The following OTOR variants were observed in gnomAD, a reference collection of about 807,000 sequenced individuals.
OTOR encodes the protein fibrocyte-derived protein.
In OTOR, 20 loss-of-function variants were observed where a neutral mutation model predicts 15.9. The observed-to-expected ratio is 1.26, with a 90% CI of 0.89 to 1.83. The LOEUF is 1.83. Among genes scored for constraint, OTOR ranks in the 40% most tolerant of loss-of-function variants. The probability of loss-of-function intolerance (pLI) is 0.00; values close to 1 mark genes in which losing one functional copy is unlikely to be tolerated. For missense variants in OTOR, 184 were observed against 159.0 expected (o/e 1.16, Z -0.85); for synonymous variants, 53 against 54.2 (o/e 0.98, Z 0.09).
At chr20:16,748,760 G>T (rs1429802331) in intron 1 of OTOR, 107 bp from the exon 2 acceptor site, 3 of 863,488 alleles carry the variant, frequency 3.5e-6, no homozygotes, top group Non-Finnish European at 5.1e-6. Context: ...TATGAACTGG[G>T]AATTATCAGT....
chr20:16,749,855 A>G, intron 2 of OTOR, 48 bp from the exon 3 acceptor site: 2 of 1,257,084 alleles, frequency 1.6e-6, no homozygotes, highest in Non-Finnish European at 2.3e-6. Context: ...TTCTCAGAAG[A>G]CACTCAGCAT....
At position 16,749,940 on chromosome 20, in the gene OTOR, G is replaced by A; in HGVS notation, c.293G>A (p.Gly98Asp). 6.2e-7 allele frequency: 1 copy of A among 1,613,876 alleles called. No individual in the cohort carries two copies. Among genetic ancestry groups the A allele is most frequent in the African/African-American group, 1.3e-5 (1 of 75,036 alleles). Residue 98 changes from glycine (G) to aspartate (D), a missense_variant, in exon 3 of 4, where the codon GGT (glycine) becomes GAT (aspartate). Gly to Asp is a moderately conservative substitution (Grantham distance 94, BLOSUM62 -1). Transcript: ENST00000246081. ...GGCCAGGACGAGATGGGAGTCGTGG[G>A]TTATTTCCCCAGGAACTTGGTCAAG... ...GDGQDEMGVV[G>D]YFPRNLVKEQ...
chr20:16,750,107 C>A, intron 3 of OTOR, 97 bp downstream of exon 3: 1 of 755,954 alleles, frequency 1.3e-6, no homozygotes, highest in Non-Finnish European at 2.2e-6. Flanking sequence ...TTGTATAGAA[C>A]AAAGCCTCCA....
Position 16,750,021 on chromosome 20 carries a change from CA to C in OTOR, c.363+15del, listed in dbSNP as rs755323111. On this transcript the variant is annotated intron_variant, in intron 3 of 3. Coordinates refer to ENST00000246081, the MANE Select transcript of OTOR (RefSeq NM_020157.4). ...GAAGTTCCCACCACGGTAAGCATCT[CA>C]AAAGTGACTAGACAAGGACTCAGAT... 20 of 1,549,830 alleles carry C rather than the reference CA, an allele frequency of 1.3e-5. No individual in the cohort carries two copies. The highest frequency in any genetic ancestry group is 1.8e-5 in the Non-Finnish European group (20 of 1,122,350).
At chr20:16,749,044 T>C (rs749366411) in intron 2 of OTOR, 38 bp downstream of exon 2, 104 of 1,475,168 alleles carry the variant, frequency 7.1e-5, no homozygotes, top group Non-Finnish European at 9.2e-5. Flanking sequence ...AATATTGCTC[T>C]TAACCTTTCC....
intron 1 of OTOR, 110 bp from the exon 2 acceptor site, chr20:16,748,757 T>C (rs1461184340): frequency 1.2e-6 from 1 of 854,838 alleles, no homozygotes; most frequent in Non-Finnish European, 1.7e-6. Context: ...AGCTATGAAC[T>C]GGGAATTATC....
chr20:16,750,162 A>G (rs114253624), intron 3 of OTOR, 152 bp downstream of exon 3: 15 of 531,070 alleles, frequency 2.8e-5, no homozygotes, highest in Middle Eastern at 5.5e-4. Context: ...TTGGGGGACC[A>G]TTTATAACTA....
intron 2 of OTOR, 63 bp from the exon 3 acceptor site, chr20:16,749,840 C>A: frequency 9.0e-7 from 1 of 1,113,600 alleles, no homozygotes; most frequent in Non-Finnish European, 1.4e-6. Context: ...AGGACGCCTG[C>A]GAGTTTCTCA....
chr20:16,748,910 G>T lies in OTOR; in HGVS notation c.159G>T (p.Pro53=), dbSNP rs150118718. The T allele has an allele frequency of 2.2e-4, 357 of 1,609,422 alleles. No homozygotes were observed. Among genetic ancestry groups the T allele is most frequent in the Non-Finnish European group, 2.8e-4 (328 of 1,177,674 alleles). Residue 53 remains proline, a synonymous_variant, in exon 2 of 4, where the codon CCG becomes CCT. Coordinates refer to ENST00000246081, the MANE Select transcript of OTOR (RefSeq NM_020157.4). ...LASAQEDYNA[P]DCRFINVKKG... is the part of the protein sequence containing the mutation. Reference sequence around the variant, plus strand: ...GTGCTCAAGAAGATTATAATGCCCCGGACTGTAGATTCATTAACGTTAAAA... The same window carrying T: ...GTGCTCAAGAAGATTATAATGCCCCTGACTGTAGATTCATTAACGTTAAAA...
Position 16,750,089 on chromosome 20 carries a change from C to G in OTOR, c.363+79C>G, listed in dbSNP as rs542241793. 1.3e-5 allele frequency: 12 copies of G among 925,250 alleles called. No individual in the cohort carries two copies. The East Asian group carries it at 3.1e-4, about 24-fold the overall frequency. 57.3% of individuals were successfully genotyped at this position (925,250 alleles called of 1,614,324 possible). A position where few individuals can be genotyped will look rare whatever the true frequency, so the allele number is the denominator to read the frequency against. ...CCGGTGTTAAAAATGCATCATGCAA[C>G]TTACAAGTTGTATAGAACAAAGCCT... On this transcript the variant is annotated intron_variant, in intron 3 of 3. Coordinates refer to ENST00000246081, the MANE Select transcript of OTOR (RefSeq NM_020157.4).
chr20:16,749,754 G>A (rs1430369360), intron 2 of OTOR, 149 bp from the exon 3 acceptor site: 1 of 594,866 alleles, frequency 1.7e-6, no homozygotes, highest in East Asian at 2.8e-5. Flanking sequence ...AGTAAACTTC[G>A]GATTTGCCGC....
At chr20:16,749,840 C>T (rs952513363) in intron 2 of OTOR, 63 bp from the exon 3 acceptor site, 61 of 1,113,482 alleles carry the variant, frequency 5.5e-5, no homozygotes, top group Non-Finnish European at 7.6e-5. Flanking sequence ...AGGACGCCTG[C>T]GAGTTTCTCA....
intron 2 of OTOR, chr20:16,749,325 C>T: frequency 4.9e-6 from 1 of 205,694 alleles, no homozygotes; most frequent in East Asian, 1.2e-4. Flanking sequence ...TGTGTGTTGG[C>T]AGTGAGTCTA....
chr20:16,749,924 G>A lies in OTOR; in HGVS notation c.277G>A (p.Glu93Lys), dbSNP rs1457534848. 4 of 1,613,232 alleles carry A rather than the reference G, an allele frequency of 2.5e-6. No homozygotes were observed. The highest frequency in any genetic ancestry group is 1.3e-5 in the African/African-American group (1 of 75,030). ...TTAGGTTTATGGTGATGGCCAGGAC[G>A]AGATGGGAGTCGTGGGTTATTTCCC... is the stretch of plus-strand genomic sequence containing the variant. ...AGSVYGDGQDEMGVVGYFPRN... is the reference protein window; with the variant it reads ...AGSVYGDGQDKMGVVGYFPRN... The change falls in exon 3 of 4, where the codon GAG becomes AAG. Residue 93 changes from glutamate to lysine, a missense_variant. By Grantham distance (56) the Glu-to-Lys change is moderately conservative. Coordinates refer to ENST00000246081, the MANE Select transcript of OTOR (RefSeq NM_020157.4).
intron 2 of OTOR, chr20:16,749,243 G>A (rs2072513072): frequency 2.9e-6 from 1 of 344,018 alleles, no homozygotes; most frequent in Non-Finnish European, 5.2e-6. Context: ...TCAAATACAT[G>A]GGGGCTTAAA....
chr20:16,749,033 G>A (rs1443518491), intron 2 of OTOR, 27 bp downstream of exon 2: 3 of 1,538,480 alleles, frequency 1.9e-6, no homozygotes, highest in South Asian at 1.2e-5. Context: ...ACCTATTGAC[G>A]AATATTGCTC....
At position 16,748,419 on chromosome 20, in the gene OTOR, A is replaced by T; in HGVS notation, c.18A>T (p.Leu6Phe). The T allele has an allele frequency of 1.9e-6, 3 of 1,611,966 alleles. No individual in the cohort carries two copies. Among genetic ancestry groups the T allele is most frequent in the Non-Finnish European group, 2.5e-6 (3 of 1,178,064 alleles). The change falls in exon 1 of 4, where the codon TTA becomes TTT. Residue 6 changes from leucine (L) to phenylalanine (F), a missense_variant. Transcript: ENST00000246081. ...AAAGGAAGATGGCAAGAATATTGTT[A>T]CTTTTCCTCCCGGGTCTTGTGGCTG... MARIL[L>F]LFLPGLVAVC...
intron 2 of OTOR, 159 bp from the exon 3 acceptor site, chr20:16,749,744 A>G (rs770372074): frequency 4.0e-5 from 24 of 595,706 alleles, no homozygotes; most frequent in Non-Finnish European, 6.4e-5. Flanking sequence ...TAGTGCTCCA[A>G]GTAAACTTCG....
At position 16,749,987 on chromosome 20, in the gene OTOR, G is replaced by A. The variant is rs75400405; in HGVS notation, c.340G>A (p.Ala114Thr). ...LVKEQRVYQE[A>T]TKEVPTTDID... Reference sequence around the variant, plus strand: ...CAAGGAACAGCGTGTGTACCAGGAAGCTACCAAGGAAGTTCCCACCACGGT... The same window carrying A: ...CAAGGAACAGCGTGTGTACCAGGAAACTACCAAGGAAGTTCCCACCACGGT... Residue 114 changes from alanine (A) to threonine (T), a missense_variant, in exon 3 of 4, where the codon GCT becomes ACT. Ala to Thr is a moderately conservative substitution (Grantham distance 58). Transcript: ENST00000246081. 6.2e-7 allele frequency: 1 copy of A among 1,612,852 alleles called. No homozygotes were observed. The highest frequency in any genetic ancestry group is 1.1e-5 in the South Asian group (1 of 91,010).
Sources: gnomAD v4.1 joint callset for allele counts on GRCh38, gnomAD v4.1.1 for gene constraint, MANE v1.5 for transcripts, NCBI Gene and HGNC (gene_info 2026-07-23, HGNC 2026-07-21) for gene names.